Variants in NEO1 observed in about 807,000 individuals in gnomAD.
NEO1 encodes the protein neogenin.
Under a neutral mutation model 159.7 loss-of-function variants are expected in NEO1, and 63 were observed. That is an observed-to-expected ratio of 0.39 (90% CI 0.32 to 0.49). NEO1 has a LOEUF of 0.49. Among genes scored for constraint, NEO1 ranks in the 20% least tolerant of loss-of-function variants. The probability of loss-of-function intolerance (pLI) is 0.85; values close to 1 mark genes in which losing one functional copy is unlikely to be tolerated. For synonymous variants in NEO1, 633 were observed against 662.0 expected (o/e 0.96, Z 0.67); for missense variants, 1,615 against 1,831.0 (o/e 0.88, Z 2.15).
chr15:73,094,581 A>T (rs2069892915), intron 1 of NEO1, among the ~76,000 whole-genome samples: 1 of 152,120 alleles, frequency 6.6e-6, no homozygotes. Flanking sequence ...AATTGGAATT[A>T]GTATCTACAC....
At chr15:73,249,979 G>T (rs545957627) in intron 11 of NEO1, among the ~76,000 whole-genome samples, 1 of 152,194 alleles carries the variant, frequency 6.6e-6, no homozygotes, top group Non-Finnish European at 1.5e-5. Flanking sequence ...GGCTCTCAGC[G>T]TTTGTGTTTT....
At position 73,282,985 on chromosome 15, in the gene NEO1, G is replaced by A; in HGVS notation, c.3284G>A (p.Ser1095Asn). The change falls in exon 23 of 29, where the codon AGC (serine) becomes AAC (asparagine). Residue 1095 changes from serine (S) to asparagine (N), a missense_variant. Around this residue, in one of 3 missense-constraint regions of NEO1, gnomAD observed 471 missense variants for 498.9 expected, o/e 0.94. Coordinates refer to ENST00000261908, the MANE Select transcript of NEO1 (RefSeq NM_002499.4). ...PMSGSNSPHG[S>N]PTSPLDSNML... is the part of the protein sequence containing the mutation. ...GCAGGCAGTAACAGCCCTCATGGGA[G>A]CCCCACCTCTCCTCTGGACAGTAAT... 1 of 1,614,088 alleles carries A rather than the reference G, an allele frequency of 6.2e-7. No homozygotes were observed. Among genetic ancestry groups the A allele is most frequent in the East Asian group, 2.2e-5 (1 of 44,878 alleles).
intron 25 of NEO1, among the ~76,000 whole-genome samples, chr15:73,291,620 T>G (rs1378871961): frequency 6.6e-6 from 1 of 152,172 alleles, no homozygotes; most frequent in African/African-American, 2.4e-5. Flanking sequence ...TTCCCTGGTC[T>G]TAAATGACTG....
In NEO1 at chr15:73,303,418, T is replaced by G. The variant is rs1256697530; in HGVS notation, c.*722T>G. The G allele has an allele frequency of 6.6e-6, 1 of 151,876 alleles. No homozygotes were observed. Among genetic ancestry groups the G allele is most frequent in the African/African-American group, 2.4e-5 (1 of 41,142 alleles). The allele number at this position is 151,876 out of a possible 1,614,324, so 9.4% of individuals were successfully genotyped here. On this transcript the variant is annotated 3_prime_UTR_variant, in exon 29 of 29. Coordinates refer to ENST00000261908, the MANE Select transcript of NEO1 (RefSeq NM_002499.4). ...ATCACTGTGAGATTACAGATCTATT[T>G]GAATTGAATGAAATGTAACATTGAA... is the stretch of plus-strand genomic sequence containing the variant.
intron 1 of NEO1, among the ~76,000 whole-genome samples, chr15:73,071,135 A>G (rs916363038): frequency 2.0e-5 from 3 of 152,000 alleles, no homozygotes; most frequent in Admixed American, 6.5e-5. Context: ...TTGTATAGAG[A>G]CAGAGTCTTG....
chr15:73,220,873 T>G (rs1401423014), intron 7 of NEO1, among the ~76,000 whole-genome samples: 1 of 152,200 alleles, frequency 6.6e-6, no homozygotes, highest in Non-Finnish European at 1.5e-5. Context: ...TGGTTTGAAT[T>G]TCCTCCTGTA....
intron 1 of NEO1, among the ~76,000 whole-genome samples, chr15:73,110,380 A>G (rs927026781): frequency 6.6e-6 from 1 of 152,230 alleles, no homozygotes; most frequent in Non-Finnish European, 1.5e-5. Context: ...TGCTACTACT[A>G]AACTTTGAAC....
intron 1 of NEO1, among the ~76,000 whole-genome samples, chr15:73,068,981 G>T (rs1172595707): frequency 2.7e-5 from 4 of 148,528 alleles, no homozygotes; most frequent in East Asian, 2.0e-4. Flanking sequence ...TGGAGACAGG[G>T]TCTCACTCTC....
chr15:73,122,324 G>A (rs183783328), intron 2 of NEO1, among the ~76,000 whole-genome samples: 1 of 151,768 alleles, frequency 6.6e-6, no homozygotes, highest in East Asian at 1.9e-4. Context: ...TAACTGTGAG[G>A]AATCTGATTC....
At chr15:73,272,959 C>G (rs2041240705) in intron 19 of NEO1, among the ~76,000 whole-genome samples, 1 of 136,752 alleles carries the variant, frequency 7.3e-6, no homozygotes, top group African/African-American at 2.7e-5. Flanking sequence ...CTCTTGTACC[C>G]TGAAGCCACA....
At position 73,102,192 on chromosome 15, in the gene NEO1, C is replaced by G. The variant is rs556301632; in HGVS notation, c.131-14348C>G. Among the ~76,000 whole-genome samples the G allele has an allele frequency of 7.9e-4, 120 of 152,106 alleles. No individual in the cohort carries two copies. The Middle Eastern group carries it at 0.01, about 13-fold the overall frequency. On this transcript the variant is annotated intron_variant, in intron 1 of 28. Coordinates refer to ENST00000261908, the MANE Select transcript of NEO1 (RefSeq NM_002499.4). ...ACCAGCCTGGCCAATATGGTGAAAC[C>G]CCATCTCTACTAAAAATACAAAAAT... is the stretch of plus-strand genomic sequence containing the variant.
At chr15:73,094,167 C>A (rs938660566) in intron 1 of NEO1, among the ~76,000 whole-genome samples, 1 of 152,032 alleles carries the variant, frequency 6.6e-6, no homozygotes, top group Non-Finnish European at 1.5e-5. Context: ...CAGCCATTGC[C>A]GCAATCAATT....
At chr15:73,174,240 A>T (rs2035151685) in intron 5 of NEO1, among the ~76,000 whole-genome samples, 1 of 152,196 alleles carries the variant, frequency 6.6e-6, no homozygotes, top group Admixed American at 6.5e-5. Flanking sequence ...AAAAATCAGG[A>T]AGACTGTTGT....
At chr15:73,095,394 G>C (rs2069958027) in intron 1 of NEO1, among the ~76,000 whole-genome samples, 1 of 152,104 alleles carries the variant, frequency 6.6e-6, no homozygotes, top group African/African-American at 2.4e-5. Flanking sequence ...TTTTCTGTCT[G>C]GCCCTCTACA....
intron 16 of NEO1, 72 bp from the exon 17 acceptor site, chr15:73,269,938 T>G (rs2041096448): frequency 8.3e-7 from 1 of 1,203,512 alleles, no homozygotes; most frequent in Non-Finnish European, 1.2e-6. Context: ...TATATTACCC[T>G]GCATTTCCCT....
intron 7 of NEO1, among the ~76,000 whole-genome samples, chr15:73,198,372 G>T (rs927971894): frequency 1.3e-5 from 2 of 152,066 alleles, no homozygotes; most frequent in African/African-American, 2.4e-5. Flanking sequence ...ATTTCTCAGA[G>T]TATGTGAGAA....
At chr15:73,089,956 C>T (rs961101718) in intron 1 of NEO1, among the ~76,000 whole-genome samples, 6 of 152,030 alleles carry the variant, frequency 3.9e-5, no homozygotes, top group Admixed American at 2.0e-4. Flanking sequence ...TTGCTTGGGA[C>T]GGACCCAGTT....
At chr15:73,253,709 C>A (rs567837091) in intron 12 of NEO1, among the ~76,000 whole-genome samples, 1 of 152,220 alleles carries the variant, frequency 6.6e-6, no homozygotes. Context: ...CTTAATTTTG[C>A]TTCCTTCCTC....
At chr15:73,061,898 T>A (rs2067997955) in intron 1 of NEO1, among the ~76,000 whole-genome samples, 1 of 152,222 alleles carries the variant, frequency 6.6e-6, no homozygotes, top group African/African-American at 2.4e-5. Context: ...CATATGAAAT[T>A]GTATTTTCTG....
Sources: allele counts gnomAD v4.1 joint callset (sites outside exome capture counted in the v4.1 genomes callset), GRCh38; gene constraint gnomAD v4.1.1; regional missense constraint gnomAD v4.1.1; transcripts MANE v1.5; gene names NCBI Gene and HGNC (gene_info 2026-07-23, HGNC 2026-07-21).